ANKFY1: variants seen among roughly 807,000 people sequenced by gnomAD.
ANKFY1 encodes the protein ankyrin repeat and FYVE domain containing 1.
ANKFY1 carries 47 observed loss-of-function variants against 128.3 expected under a neutral mutation model. The observed-to-expected ratio is 0.37, with a 90% CI of 0.29 to 0.47. The LOEUF is 0.47. ANKFY1 is among the 20% of genes least tolerant of loss of function. ANKFY1 has a pLI of 1.00. For missense variants in ANKFY1, 1,222 were observed against 1,510.6 expected, an observed-to-expected ratio of 0.81 and a Z score of 3.17; for synonymous variants, 553 against 601.6, an observed-to-expected ratio of 0.92 and a Z score of 1.18.
In ANKFY1 at chr17:4,242,339, C is replaced by G. The variant is rs966118966; in HGVS notation, c.120G>C (p.Gln40His). Residue 40 changes from glutamine to histidine, a missense_variant, in exon 2 of 25, where the codon CAG (glutamine) becomes CAC (histidine). Transcript: ENST00000341657. Reference protein sequence around the residue: ...TEKRCALLAAQANKESSSESF... With the variant: ...TEKRCALLAAHANKESSSESF... The stretch of plus-strand genomic sequence containing the variant: ...ACTCGCTGCTGCTCTCCTTGTTTGC[C>G]TGCGCAGCCAAGAGAGCGCAGCGCT... 2.5e-6 allele frequency: 4 copies of G among 1,602,666 alleles called. No homozygotes were observed. The highest frequency in any genetic ancestry group is 3.4e-6 in the Non-Finnish European group (4 of 1,175,846).
intron 1 of ANKFY1, among the ~76,000 whole-genome samples, chr17:4,259,994 A>C (rs1459686987): frequency 1.3e-5 from 2 of 152,248 alleles, no homozygotes; most frequent in African/African-American, 4.8e-5. Context: ...CAGAGGTAGC[A>C]GCATGTCGGG....
intron 10 of ANKFY1, among the ~76,000 whole-genome samples, chr17:4,191,547 C>A (rs2059717928): frequency 6.6e-6 from 1 of 151,120 alleles, no homozygotes; most frequent in South Asian, 2.1e-4. Context: ...TTACTCTAAT[C>A]TGGAGACTCC....
chr17:4,252,201 C>T (rs1195222931), intron 1 of ANKFY1, among the ~76,000 whole-genome samples: 4 of 152,044 alleles, frequency 2.6e-5, no homozygotes, highest in Non-Finnish European at 4.4e-5. Flanking sequence ...AATTAAGATG[C>T]AAATTGAAAT....
intron 3 of ANKFY1, among the ~76,000 whole-genome samples, chr17:4,227,824 A>C (rs1245294397): frequency 6.6e-6 from 1 of 152,222 alleles, no homozygotes; most frequent in Non-Finnish European, 1.5e-5. Context: ...ATCCATTAGA[A>C]TGGCTAAAAT....
chr17:4,183,818 A>G lies in ANKFY1; in HGVS notation c.1792T>C (p.Trp598Arg), dbSNP rs200074830. 215 of 1,611,612 alleles carry G rather than the reference A, an allele frequency of 1.3e-4. 1 individual carries two copies. The highest frequency in any genetic ancestry group is 1.4e-5 in the Non-Finnish European group (16 of 1,177,796). The change falls in exon 13 of 25, where the codon TGG becomes CGG. Residue 598 changes from tryptophan to arginine, a missense_variant. Trp to Arg is a moderately radical substitution (Grantham distance 101). Coordinates refer to ENST00000341657, the MANE Select transcript of ANKFY1 (RefSeq NM_001330063.2). ...GGCCCCGGCACAGCCTTACCAGTCC[A>G]TAATGCCAGGCCCAGCACAGTCTGG... Reference protein sequence around the residue: ...RDQTVLGLALWTGMHTIAAQL... With the variant: ...RDQTVLGLALRTGMHTIAAQL...
At chr17:4,241,275 C>CTTTTT (rs1168854084) in intron 2 of ANKFY1, among the ~76,000 whole-genome samples, 1 of 14,942 alleles carries the variant, frequency 6.7e-5, no homozygotes, top group African/African-American at 1.3e-4. Flanking sequence ...TCTTCTTCTT[C>CTTTTT]TTTTTTTTTT....
intron 2 of ANKFY1, among the ~76,000 whole-genome samples, chr17:4,240,312 C>T (rs1967140110): frequency 6.7e-6 from 1 of 150,256 alleles, no homozygotes; most frequent in Non-Finnish European, 1.5e-5. Flanking sequence ...GTGACCCGCC[C>T]GCCTTGGCCT....
intron 1 of ANKFY1, among the ~76,000 whole-genome samples, chr17:4,246,264 T>C (rs1172777707): frequency 4.6e-5 from 7 of 152,208 alleles, no homozygotes; most frequent in Admixed American, 3.3e-4. Context: ...TATTTGTTTG[T>C]AGCATACTGG....
In ANKFY1 at chr17:4,169,683, T is replaced by C. The variant is rs2059279142; in HGVS notation, c.3287-395A>G. Among the ~76,000 whole-genome samples the C allele has an allele frequency of 6.6e-6, 1 of 152,118 alleles. No individual in the cohort carries two copies. The highest frequency in any genetic ancestry group is 2.4e-5 in the African/African-American group (1 of 41,400). On this transcript the variant is annotated intron_variant, in intron 23 of 24. Coordinates refer to ENST00000341657, the MANE Select transcript of ANKFY1 (RefSeq NM_001330063.2). This position sits in a 1 kb window ranked among gnomAD's most constrained non-coding sequence, Gnocchi z 5.0. ...TGAGGAGGCAAAATCTGTAACTCAG[T>C]GACTGAACACAAGTGTGGGATGTGA...
In ANKFY1 at chr17:4,189,423, G is replaced by A. The variant is rs1199111111; in HGVS notation, c.1429C>T (p.Leu477=). Reference sequence around the variant, plus strand: ...TTGACATGGGCACCGTTGGTTGCCAGGAAAAGAGCTGCTGCCTCGTTTCCT... The same window carrying A: ...TTGACATGGGCACCGTTGGTTGCCAAGAAAAGAGCTGCTGCCTCGTTTCCT... ...GAGNEAAALF[L]ATNGAHVNHR... The change falls in exon 11 of 25, where the codon CTG becomes TTG. Residue 477 remains leucine (L), a synonymous_variant. Transcript: ENST00000341657. The A allele has an allele frequency of 1.9e-6, 3 of 1,594,384 alleles. No homozygotes were observed. The highest frequency in any genetic ancestry group is 2.6e-6 in the Non-Finnish European group (3 of 1,167,968).
At chr17:4,206,016 C>G (rs1279158310) in intron 7 of ANKFY1, among the ~76,000 whole-genome samples, 1 of 152,180 alleles carries the variant, frequency 6.6e-6, no homozygotes. Context: ...CTGGAGAAAG[C>G]CATCCATTGA....
chr17:4,182,967 G>A (rs573262600), intron 14 of ANKFY1, among the ~76,000 whole-genome samples: 31 of 152,264 alleles, frequency 2.0e-4, no homozygotes, highest in African/African-American at 7.2e-4. Flanking sequence ...TGAGCTGGGC[G>A]TGGTGGTGGG....
At chr17:4,186,953 CT>C (rs2059622859) in intron 11 of ANKFY1, 1 of 1,185,522 alleles carries the variant, frequency 8.4e-7, no homozygotes. Flanking sequence ...CAGGCTCCTC[CT>C]CCTGGCCAGT....
At position 4,195,282 on chromosome 17, in the gene ANKFY1, T is replaced by TG. The variant is rs1319747495; in HGVS notation, c.1173-106_1173-105insC. 16 of 1,442,328 alleles carry TG rather than the reference T, an allele frequency of 1.1e-5. No individual in the cohort carries two copies. In the Admixed American group the frequency reaches 1.2e-4, roughly 11 times the overall value. The allele number at this position is 1,442,328 out of a possible 1,614,324, so 89.3% of individuals were successfully genotyped here. A position where few individuals can be genotyped will look rare whatever the true frequency, so the allele number is the denominator to read the frequency against. On this transcript the variant is annotated intron_variant, in intron 9 of 24. Coordinates refer to ENST00000341657, the MANE Select transcript of ANKFY1 (RefSeq NM_001330063.2). The stretch of plus-strand genomic sequence containing the variant: ...TTTACCCTTTTTCAATGACACATTT[T>TG]TTTTTAGCTCACTTTAACTTCTTAA...
intron 8 of ANKFY1, 135 bp from the exon 9 acceptor site, chr17:4,195,606 A>G (rs970784756): frequency 2.8e-6 from 2 of 715,692 alleles, no homozygotes; most frequent in Non-Finnish European, 4.9e-6. Context: ...TTCTAAAACC[A>G]TGACCCAGTA....
intron 2 of ANKFY1, among the ~76,000 whole-genome samples, chr17:4,238,955 C>A (rs1397938066): frequency 6.6e-6 from 1 of 152,002 alleles, no homozygotes; most frequent in Non-Finnish European, 1.5e-5. Context: ...GACAGAGTTT[C>A]GCCATTTGGC....
In ANKFY1 at chr17:4,169,882, ACT is replaced by A. The variant is rs2059282768; in HGVS notation, c.3287-596_3287-595del. Among the ~76,000 whole-genome samples the A allele has an allele frequency of 6.6e-6, 1 of 152,108 alleles. No homozygotes were observed. The highest frequency in any genetic ancestry group is 1.5e-5 in the Non-Finnish European group (1 of 68,012). On this transcript the variant is annotated intron_variant, in intron 23 of 24. Transcript: ENST00000341657. This position sits in a 1 kb window ranked among gnomAD's most constrained non-coding sequence, Gnocchi z 5.0. ...ACTTGGATTTACTGGCTGAACTCTC[ACT>A]CTATCCCAGGCACTGTCTGACTGCT...
intron 4 of ANKFY1, among the ~76,000 whole-genome samples, chr17:4,216,158 G>A (rs960198227): frequency 2.0e-5 from 3 of 152,326 alleles, no homozygotes; most frequent in African/African-American, 4.8e-5. Context: ...AGCCCATGAC[G>A]AAAACAGCAA....
At chr17:4,174,306 T>G (rs2059375211) in intron 19 of ANKFY1, among the ~76,000 whole-genome samples, 1 of 152,188 alleles carries the variant, frequency 6.6e-6, no homozygotes, top group Admixed American at 6.5e-5. Context: ...GAAACTCTAC[T>G]TCTAAGGTTT....
Sources: gnomAD v4.1 joint callset for allele counts (sites outside exome capture counted in the v4.1 genomes callset) on GRCh38, gnomAD v4.1.1 for gene constraint, Gnocchi (gnomAD v3.1) non-coding constraint, MANE v1.5 for transcripts, NCBI Gene and HGNC (gene_info 2026-07-23, HGNC 2026-07-21) for gene names.